The following DAPP1 variants were observed in gnomAD, a reference collection of about 807,000 sequenced individuals.
DAPP1 encodes the protein dual adaptor of phosphotyrosine and 3-phosphoinositides 1.
Under a neutral mutation model 41.5 loss-of-function variants are expected in DAPP1, and 20 were observed. The ratio of observed to expected loss-of-function variants is 0.48; its 90% CI spans 0.34 to 0.70. The LOEUF is 0.70. Among genes scored for constraint, DAPP1 ranks in the 30% least tolerant of loss-of-function variants. The pLI, the probability that DAPP1 is intolerant of heterozygous loss-of-function variation, is 0.01. For missense variants in DAPP1, 233 were observed against 333.4 expected, an observed-to-expected ratio of 0.70 and a Z score of 2.35; for synonymous variants, 113 against 116.2, an observed-to-expected ratio of 0.97 and a Z score of 0.18.
In DAPP1 at chr4:99,830,168, A is replaced by C. The variant is rs563900095; in HGVS notation, c.102-5455A>C. ...GAGGCCAAGGCCGGGAGATGACCTG[A>C]GGTCAGGAGCTCAAGACCAGTCTGG... On this transcript the variant is annotated intron_variant, in intron 1 of 8. Coordinates refer to ENST00000512369, the MANE Select transcript of DAPP1 (RefSeq NM_014395.3). Among the ~76,000 whole-genome samples the C allele has an allele frequency of 2.6e-5, 4 of 152,314 alleles. No individual in the cohort carries two copies. In the South Asian group the frequency reaches 6.2e-4, roughly 24 times the overall value.
chr4:99,840,583 T>A (rs982840882), intron 3 of DAPP1, among the ~76,000 whole-genome samples, 161 bp downstream of exon 3: 2 of 152,228 alleles, frequency 1.3e-5, no homozygotes, highest in African/African-American at 4.8e-5. Flanking sequence ...TTTCTCAGAA[T>A]GTGTTACTTA....
intron 1 of DAPP1, among the ~76,000 whole-genome samples, chr4:99,820,129 G>T (rs1193284750): frequency 6.6e-6 from 1 of 152,172 alleles, no homozygotes; most frequent in Non-Finnish European, 1.5e-5. Context: ...TATGGGCTTA[G>T]GGGGAAGAGA....
intron 4 of DAPP1, among the ~76,000 whole-genome samples, chr4:99,857,603 T>C (rs1235849442): frequency 6.6e-6 from 1 of 152,028 alleles, no homozygotes; most frequent in Non-Finnish European, 1.5e-5. Flanking sequence ...ACGTTGCCCT[T>C]TTCCAGTATT....
Position 99,868,326 on chromosome 4 carries a change from C to A in DAPP1, c.*141C>A. The A allele has an allele frequency of 1.4e-6, 1 of 718,630 alleles. No individual in the cohort carries two copies. The highest frequency in any genetic ancestry group is 2.4e-6 in the Non-Finnish European group (1 of 424,228). The allele number at this position is 718,630 out of a possible 1,614,324, so 44.5% of individuals were successfully genotyped here. A position where few individuals can be genotyped will look rare whatever the true frequency, so the allele number is the denominator to read the frequency against. ...ATCAGAAGCAGATGCTGATTGGGACCCATATACCACGTTGCTGACTCACGT... is the reference window on the plus strand; with the variant it reads ...ATCAGAAGCAGATGCTGATTGGGACACATATACCACGTTGCTGACTCACGT... On this transcript the variant is annotated 3_prime_UTR_variant, in exon 9 of 9. Coordinates refer to ENST00000512369, the MANE Select transcript of DAPP1 (RefSeq NM_014395.3).
At chr4:99,865,097 C>T (rs1157553890) in intron 7 of DAPP1, 2 of 152,304 alleles carry the variant, frequency 1.3e-5, no homozygotes, top group African/African-American at 4.8e-5. Flanking sequence ...TGTCCACTCA[C>T]TCTCCACTAG....
At position 99,853,328 on chromosome 4, in the gene DAPP1, C is replaced by A. The variant is rs1199627336; in HGVS notation, c.469C>A (p.Leu157Ile). The A allele has an allele frequency of 6.2e-7, 1 of 1,609,880 alleles. No individual in the cohort carries two copies. Among genetic ancestry groups the A allele is most frequent in the African/African-American group, 1.3e-5 (1 of 74,878 alleles). The change falls in exon 4 of 9, where the codon CTT becomes ATT. Residue 157 changes from leucine to isoleucine, a missense_variant. By Grantham distance (5) the Leu-to-Ile change is conservative. Coordinates refer to ENST00000512369, the MANE Select transcript of DAPP1 (RefSeq NM_014395.3). ...AMQTGRTEDD[L>I]VPTAPSLGTK... ...GCAGACAGGAAGAACAGAAGATGAC[C>A]TTGTGCCCACAGCACCTTCTGTAAG...
At chr4:99,847,445 A>C (rs901970585) in intron 3 of DAPP1, among the ~76,000 whole-genome samples, 2 of 152,208 alleles carry the variant, frequency 1.3e-5, no homozygotes, top group Admixed American at 6.5e-5. Context: ...AGTCAAAGTA[A>C]ATGGAAATGC....
chr4:99,848,639 T>C (rs1462296792), intron 3 of DAPP1, among the ~76,000 whole-genome samples: 3 of 152,226 alleles, frequency 2.0e-5, no homozygotes, highest in African/African-American at 7.2e-5. Flanking sequence ...ATGGCAAGTC[T>C]GAGGCTTTCA....
intron 3 of DAPP1, chr4:99,844,624 G>A (rs190466340): frequency 1.1e-4 from 16 of 152,214 alleles, no homozygotes; most frequent in Admixed American, 3.3e-4. Flanking sequence ...AAATTGCCAT[G>A]TATAATTTAT....
chr4:99,826,291 T>C (rs1169786569), intron 1 of DAPP1, among the ~76,000 whole-genome samples: 1 of 152,196 alleles, frequency 6.6e-6, no homozygotes, highest in African/African-American at 2.4e-5. Flanking sequence ...CAGTGTCATA[T>C]AAAAGTGAGA....
At chr4:99,870,791 C>T (rs1724612338), downstream of DAPP1, among the ~76,000 whole-genome samples, 1 of 152,210 alleles carries the variant, frequency 6.6e-6, no homozygotes, top group Non-Finnish European at 1.5e-5. Context: ...TCCTGGCCCA[C>T]AGGAGCAGTT....
chr4:99,852,689 C>T (rs1723905545), intron 3 of DAPP1, among the ~76,000 whole-genome samples: 1 of 152,072 alleles, frequency 6.6e-6, no homozygotes, highest in Non-Finnish European at 1.5e-5. Context: ...TTTTTGAAAT[C>T]CACTAATTTG....
chr4:99,853,787 C>CCAGT (rs1340130305), intron 4 of DAPP1, among the ~76,000 whole-genome samples: 2 of 152,182 alleles, frequency 1.3e-5, no homozygotes, highest in Admixed American at 6.5e-5. Context: ...CCACTGCACT[C>CCAGT]CAGTCTGGGT....
chr4:99,835,624 T>C lies in DAPP1; in HGVS notation c.103T>C (p.Trp35Arg). 1 of 1,612,758 alleles carries C rather than the reference T, an allele frequency of 6.2e-7. No individual in the cohort carries two copies. The change falls in exon 2 of 9, where the codon TGG (tryptophan) becomes CGG (arginine). Residue 35 changes from tryptophan to arginine, a missense_variant and splice_region_variant. Transcript: ENST00000512369. ...AAAGCGCTGTTCCCTCCTTTCTAGG[T>C]GGTATCACGGCAACCTCACACGCCA... ...GEAELLQDLG[W>R]YHGNLTRHAA...
At chr4:99,825,786 C>G (rs1434801293) in intron 1 of DAPP1, among the ~76,000 whole-genome samples, 3 of 152,126 alleles carry the variant, frequency 2.0e-5, no homozygotes, top group Non-Finnish European at 2.9e-5. Context: ...GAACAGGGTC[C>G]ATTGCTATTA....
At chr4:99,817,900 T>A (rs1722645329) in intron 1 of DAPP1, among the ~76,000 whole-genome samples, 1 of 152,216 alleles carries the variant, frequency 6.6e-6, no homozygotes, top group Non-Finnish European at 1.5e-5. Context: ...GTCATCTTCA[T>A]CTTACAAAGG....
intron 8 of DAPP1, 134 bp downstream of exon 8, chr4:99,866,255 C>T (rs976892921): frequency 4.2e-5 from 26 of 612,194 alleles, no homozygotes; most frequent in Non-Finnish European, 6.4e-5. Context: ...TCCAGGCTTG[C>T]GGAACAGTCT....
downstream of DAPP1, among the ~76,000 whole-genome samples, chr4:99,872,092 G>T (rs561280091): frequency 6.6e-6 from 1 of 152,324 alleles, no homozygotes; most frequent in South Asian, 2.1e-4. Flanking sequence ...ATGTGAAGAA[G>T]GGTCTATGAG....
At chr4:99,860,577 G>T (rs920983422) in intron 4 of DAPP1, among the ~76,000 whole-genome samples, 3 of 152,132 alleles carry the variant, frequency 2.0e-5, no homozygotes, top group African/African-American at 7.2e-5. Context: ...GATTTTAAAA[G>T]AAGTGTTTGC....
Sources: allele counts gnomAD v4.1 joint callset (sites outside exome capture counted in the v4.1 genomes callset), GRCh38; gene constraint gnomAD v4.1.1; transcripts MANE v1.5; gene names NCBI Gene and HGNC (gene_info 2026-07-23, HGNC 2026-07-21).